HMCN1: variants seen among roughly 807,000 people sequenced by gnomAD.
HMCN1 encodes the protein hemicentin 1, also known as hemicentin-1.
A neutral mutation model predicts 625.9 loss-of-function variants in HMCN1; 321 were observed. The ratio of observed to expected loss-of-function variants is 0.51; its 90% CI spans 0.47 to 0.56. The LOEUF is 0.56. HMCN1 is among the 20% of genes least tolerant of loss of function. The pLI, the probability that HMCN1 is intolerant of heterozygous loss-of-function variation, is 0.00. For missense variants in HMCN1, 6,588 were observed against 6,887.3 expected (o/e 0.96, Z 1.54); for synonymous variants, 2,425 against 2,417.6 (o/e 1.00, Z -0.09).
intron 19 of HMCN1, among the ~76,000 whole-genome samples, chr1:185,987,112 A>G (rs1400835361): frequency 1.3e-5 from 2 of 151,866 alleles, no homozygotes; most frequent in East Asian, 3.9e-4. Flanking sequence ...CTTAGAGTGC[A>G]ATTCTGTCTT....
At chr1:186,176,272 C>A (rs1025299384) in intron 103 of HMCN1, among the ~76,000 whole-genome samples, 6 of 152,262 alleles carry the variant, frequency 3.9e-5, no homozygotes, top group African/African-American at 1.4e-4. Flanking sequence ...TTCATTAATT[C>A]AAAATTATTA....
rs1222570331 is a variant in HMCN1, at chr1:185,994,973, C to T, written c.3664C>T (p.Pro1222Ser). Residue 1222 changes from proline (P) to serine (S), a missense_variant, in exon 24 of 107, where the codon CCA becomes TCA. Pro to Ser is a moderately conservative substitution (Grantham distance 74, BLOSUM62 -1). This residue lies in a region of HMCN1 where 4,628 missense variants were observed against 4,853.1 expected (regional missense o/e 0.95). Coordinates refer to ENST00000271588, the MANE Select transcript of HMCN1 (RefSeq NM_031935.3). ...TGATGGAGAGCACCATGTTAGCAAT[C>T]CAGACGGAACTTTAAGCATCGACCA... Reference protein sequence around the residue: ...LVDGEHHVSNPDGTLSIDQAT... With the variant: ...LVDGEHHVSNSDGTLSIDQAT... The T allele has an allele frequency of 6.2e-7, 1 of 1,613,868 alleles. No individual in the cohort carries two copies. The highest frequency in any genetic ancestry group is 1.6e-4 in the Middle Eastern group (1 of 6,062).
chr1:186,121,719 T>A (rs1030372328), intron 80 of HMCN1, among the ~76,000 whole-genome samples: 2 of 152,094 alleles, frequency 1.3e-5, no homozygotes, highest in Admixed American at 6.6e-5. Flanking sequence ...ATGGGAGAAG[T>A]ATAGTCAAAG....
At chr1:185,981,111 A>G (rs746642044) in intron 17 of HMCN1, 38 bp downstream of exon 17, 1 of 1,204,348 alleles carries the variant, frequency 8.3e-7, no homozygotes, top group Non-Finnish European at 1.2e-6. Context: ...ATGGTCTTCA[A>G]AGTCATCAGA....
At chr1:185,742,949 A>T (rs557912915) in intron 1 of HMCN1, among the ~76,000 whole-genome samples, 30 of 152,300 alleles carry the variant, frequency 2.0e-4, no homozygotes, top group African/African-American at 7.0e-4. Flanking sequence ...CATTTAACAG[A>T]ATCCTCTGTG....
chr1:185,871,024 G>T (rs976351771), intron 4 of HMCN1, among the ~76,000 whole-genome samples: 1 of 152,082 alleles, frequency 6.6e-6, no homozygotes, highest in African/African-American at 2.4e-5. Context: ...GAGGTCAAGA[G>T]ATCGAGACCA....
At chr1:186,009,499 A>G (rs1170511847) in intron 30 of HMCN1, among the ~76,000 whole-genome samples, 1 of 152,188 alleles carries the variant, frequency 6.6e-6, no homozygotes, top group African/African-American at 2.4e-5. Flanking sequence ...AAAAAAGTAA[A>G]ACAGGTATCA....
chr1:186,061,918 G>A lies in HMCN1; in HGVS notation c.7380G>A (p.Arg2460=). Residue 2460 remains arginine, a synonymous_variant, in exon 47 of 107, where the codon AGG becomes AGA. Coordinates refer to ENST00000271588, the MANE Select transcript of HMCN1 (RefSeq NM_031935.3). The part of the protein sequence containing the change: ...EDAGQYTCVV[R]NAAGEERKIF... ...CTGGCCAATATACTTGCGTTGTAAG[G>A]AATGCAGCTGGTGAAGAAAGAAAAA... 2 of 1,613,064 alleles carry A rather than the reference G, an allele frequency of 1.2e-6. No individual in the cohort carries two copies. The highest frequency in any genetic ancestry group is 1.7e-6 in the Non-Finnish European group (2 of 1,179,210).
intron 1 of HMCN1, among the ~76,000 whole-genome samples, chr1:185,815,578 G>A (rs1659794121): frequency 6.7e-6 from 1 of 149,830 alleles, no homozygotes. Context: ...ATTATTTGCT[G>A]TGGGGATAAT....
intron 52 of HMCN1, among the ~76,000 whole-genome samples, chr1:186,074,033 G>A (rs901955966): frequency 2.6e-5 from 4 of 151,990 alleles, no homozygotes; most frequent in African/African-American, 9.7e-5. Flanking sequence ...ATCACCAAGA[G>A]TTATGAGAAG....
intron 36 of HMCN1, among the ~76,000 whole-genome samples, chr1:186,026,560 A>T (rs1319386529): frequency 1.3e-5 from 2 of 152,042 alleles, no homozygotes; most frequent in African/African-American, 4.8e-5. Context: ...TGGGGAAGCA[A>T]TCCTCATTTA....
chr1:185,907,585 A>G (rs1666168326), intron 4 of HMCN1, among the ~76,000 whole-genome samples: 1 of 151,998 alleles, frequency 6.6e-6, no homozygotes, highest in Non-Finnish European at 1.5e-5. Flanking sequence ...GTTCTTGCTC[A>G]GATTCTCTCT....
intron 1 of HMCN1, among the ~76,000 whole-genome samples, chr1:185,806,546 C>CAAA (rs34411405): frequency 9.7e-6 from 1 of 103,368 alleles, no homozygotes; most frequent in Non-Finnish European, 2.1e-5. Flanking sequence ...GACCCTGTCT[C>CAAA]AAAAAAAAAA....
At chr1:186,083,500 T>A (rs1367648333) in intron 57 of HMCN1, among the ~76,000 whole-genome samples, 14 of 123,646 alleles carry the variant, frequency 1.1e-4, no homozygotes, top group African/African-American at 1.6e-4. Context: ...CACTTTTTGC[T>A]AAAAAAAAAA....
At chr1:186,111,263 G>A (rs992567609) in intron 71 of HMCN1, among the ~76,000 whole-genome samples, 26 of 151,960 alleles carry the variant, frequency 1.7e-4, no homozygotes, top group African/African-American at 5.6e-4. Flanking sequence ...TTACAGGCGT[G>A]AGCCACCGCG....
intron 6 of HMCN1, among the ~76,000 whole-genome samples, chr1:185,917,080 C>G (rs187018483): frequency 6.6e-6 from 1 of 152,112 alleles, no homozygotes; most frequent in Non-Finnish European, 1.5e-5. Flanking sequence ...TGATACATTT[C>G]TCTTCCTAGC....
chr1:186,007,741 G>T (rs565218393), intron 30 of HMCN1, among the ~76,000 whole-genome samples: 1 of 152,218 alleles, frequency 6.6e-6, no homozygotes, highest in East Asian at 1.9e-4. Flanking sequence ...TTGTGCTACT[G>T]TTTTCTCCCA....
intron 64 of HMCN1, among the ~76,000 whole-genome samples, chr1:186,091,844 A>G (rs1183507575): frequency 1.3e-5 from 2 of 152,040 alleles, no homozygotes; most frequent in South Asian, 2.1e-4. Flanking sequence ...GAACATATAT[A>G]TAACTTAAAG....
chr1:186,074,423 T>A (rs985515243), intron 52 of HMCN1, among the ~76,000 whole-genome samples: 13 of 151,802 alleles, frequency 8.6e-5, no homozygotes. Context: ...GTGAAAAAAA[T>A]TTTTCCAACA....
Sources: gnomAD v4.1 joint callset for allele counts (sites outside exome capture counted in the v4.1 genomes callset) on GRCh38, gnomAD v4.1.1 for gene constraint, gnomAD v4.1.1 regional missense constraint, MANE v1.5 for transcripts, NCBI Gene and HGNC (gene_info 2026-07-23, HGNC 2026-07-21) for gene names.